The following CLSTN2 variants were observed in gnomAD, a reference collection of about 807,000 sequenced individuals.
The protein encoded by CLSTN2 is calsyntenin-2.
In CLSTN2, 48 loss-of-function variants were observed where a neutral mutation model predicts 101.2. The observed-to-expected ratio is 0.47, with a 90% CI of 0.38 to 0.60. The LOEUF is 0.60. Among genes scored for constraint, CLSTN2 ranks in the 20% least tolerant of loss-of-function variants. The pLI is 0.00. For missense variants in CLSTN2, 1,160 were observed against 1,238.2 expected (o/e 0.94, Z 0.95); for synonymous variants, 481 against 463.6 (o/e 1.04, Z -0.48).
intron 2 of CLSTN2, among the ~76,000 whole-genome samples, chr3:140,210,452 T>C (rs1344312614): frequency 6.6e-6 from 1 of 152,184 alleles, no homozygotes; most frequent in Admixed American, 6.5e-5. Flanking sequence ...TTGTCACCAA[T>C]GAGCTATTCA....
At chr3:140,548,461 C>A (rs1208640134) in intron 10 of CLSTN2, among the ~76,000 whole-genome samples, 1 of 152,212 alleles carries the variant, frequency 6.6e-6, no homozygotes, top group Non-Finnish European at 1.5e-5. Context: ...TTCAGTCCCA[C>A]TCCAGAGATC....
chr3:140,480,933 A>G (rs925579997), intron 8 of CLSTN2, among the ~76,000 whole-genome samples: 1 of 152,164 alleles, frequency 6.6e-6, no homozygotes, highest in Non-Finnish European at 1.5e-5. Context: ...TTTGCTGTGC[A>G]GAAGCTCTTT....
intron 1 of CLSTN2, among the ~76,000 whole-genome samples, chr3:140,059,472 T>C (rs2008157926): frequency 6.6e-6 from 1 of 151,120 alleles, no homozygotes; most frequent in Admixed American, 6.6e-5. Context: ...AAAGTGCTGA[T>C]GAGCAGGAGA....
At chr3:140,406,253 A>C (rs2088300726) in intron 4 of CLSTN2, among the ~76,000 whole-genome samples, 1 of 152,218 alleles carries the variant, frequency 6.6e-6, no homozygotes, top group Non-Finnish European at 1.5e-5. Context: ...CTGTACCCTG[A>C]GACTGCGGCA....
chr3:140,100,112 A>G lies in CLSTN2; in HGVS notation c.110-75839A>G, dbSNP rs528458027. Among the ~76,000 whole-genome samples the G allele has an allele frequency of 1.6e-4, 24 of 151,008 alleles. No homozygotes were observed. The South Asian group carries it at 4.8e-3, about 30-fold the overall frequency. ...ATACATGGGCTGGATTACCCTTTTTAAAATCCAACATTATCCTCTGTAAGT... is the reference window on the plus strand; with the variant it reads ...ATACATGGGCTGGATTACCCTTTTTGAAATCCAACATTATCCTCTGTAAGT... On this transcript the variant is annotated intron_variant, in intron 1 of 16. Transcript: ENST00000458420.
intron 1 of CLSTN2, among the ~76,000 whole-genome samples, chr3:140,048,622 A>T (rs955352088): frequency 1.3e-4 from 20 of 152,172 alleles, no homozygotes; most frequent in African/African-American, 4.3e-4. Context: ...GAGAGATTAG[A>T]TAGATTGCCT....
chr3:140,310,065 G>A (rs920226901), intron 2 of CLSTN2, among the ~76,000 whole-genome samples: 1 of 151,950 alleles, frequency 6.6e-6, no homozygotes, highest in East Asian at 1.9e-4. Flanking sequence ...TCCCTTTCCT[G>A]CTCTTCCTCC....
At chr3:140,041,203 C>T (rs972455122) in intron 1 of CLSTN2, among the ~76,000 whole-genome samples, 1 of 152,070 alleles carries the variant, frequency 6.6e-6, no homozygotes, top group Non-Finnish European at 1.5e-5. Context: ...TTAACTGACT[C>T]GAAGTAAGTT....
chr3:140,415,167 C>A (rs1257730367), intron 4 of CLSTN2, among the ~76,000 whole-genome samples: 4 of 151,772 alleles, frequency 2.6e-5, no homozygotes, highest in Non-Finnish European at 4.4e-5. Flanking sequence ...CCTTCTGTTA[C>A]ACCATACACA....
chr3:140,136,201 T>C (rs1033212283), intron 1 of CLSTN2, among the ~76,000 whole-genome samples: 29 of 152,194 alleles, frequency 1.9e-4, no homozygotes, highest in Admixed American at 1.0e-3. Context: ...TGGATTCCTA[T>C]TGATGAGCAT....
At chr3:140,491,427 G>T (rs1336730285) in intron 8 of CLSTN2, among the ~76,000 whole-genome samples, 2 of 152,202 alleles carry the variant, frequency 1.3e-5, no homozygotes, top group African/African-American at 4.8e-5. Context: ...ATACTTGAAT[G>T]AACTTTTAAA....
At chr3:140,206,887 C>CTA (rs1559806509) in intron 2 of CLSTN2, among the ~76,000 whole-genome samples, 1 of 152,182 alleles carries the variant, frequency 6.6e-6, no homozygotes, top group Non-Finnish European at 1.5e-5. Flanking sequence ...GATGCAGAAC[C>CTA]TACAGCGCAG....
intron 2 of CLSTN2, among the ~76,000 whole-genome samples, chr3:140,221,208 C>G (rs1019473725): frequency 1.3e-5 from 2 of 152,146 alleles, no homozygotes; most frequent in African/African-American, 4.8e-5. Flanking sequence ...ATCTTTTATC[C>G]AAATTTCATA....
At chr3:140,488,884 C>T (rs1428922793) in intron 8 of CLSTN2, among the ~76,000 whole-genome samples, 1 of 151,942 alleles carries the variant, frequency 6.6e-6, no homozygotes, top group Non-Finnish European at 1.5e-5. Context: ...TGGCTATGTG[C>T]AGGAAATACT....
At chr3:139,984,049 A>G (rs114678478) in intron 1 of CLSTN2, among the ~76,000 whole-genome samples, 444 of 152,292 alleles carry the variant, frequency 2.9e-3, no homozygotes, top group African/African-American at 0.01. Context: ...TCAGTCCACA[A>G]ATTGATCTGC....
intron 2 of CLSTN2, among the ~76,000 whole-genome samples, chr3:140,365,572 G>A (rs1229537618): frequency 6.6e-6 from 1 of 152,134 alleles, no homozygotes; most frequent in East Asian, 1.9e-4. Flanking sequence ...AGGACAGCAA[G>A]GCTATTGTGA....
At chr3:139,956,599 C>CT (rs1455407849) in intron 1 of CLSTN2, among the ~76,000 whole-genome samples, 1 of 152,198 alleles carries the variant, frequency 6.6e-6, no homozygotes, top group Non-Finnish European at 1.5e-5. Flanking sequence ...AACAGACTCT[C>CT]TTTTTTCCTG....
chr3:140,116,736 G>A (rs1313342023), intron 1 of CLSTN2, among the ~76,000 whole-genome samples: 1 of 152,088 alleles, frequency 6.6e-6, no homozygotes, highest in Non-Finnish European at 1.5e-5. Context: ...CTGAGCACCA[G>A]CCATGGGAAA....
At chr3:140,064,354 C>T (rs1182820786) in intron 1 of CLSTN2, among the ~76,000 whole-genome samples, 1 of 152,234 alleles carries the variant, frequency 6.6e-6, no homozygotes, top group African/African-American at 2.4e-5. Flanking sequence ...CTGGCCACTT[C>T]ACCTCATCAT....
Sources: allele counts gnomAD v4.1 joint callset (sites outside exome capture counted in the v4.1 genomes callset), GRCh38; gene constraint gnomAD v4.1.1; transcripts MANE v1.5; gene names NCBI Gene and HGNC (gene_info 2026-07-23, HGNC 2026-07-21).